LHFPL3: variants seen among roughly 807,000 people sequenced by gnomAD.
LHFPL3 encodes the protein LHFPL tetraspan subfamily member 3 protein.
A neutral mutation model predicts 19.3 loss-of-function variants in LHFPL3; 5 were observed. That is an observed-to-expected ratio of 0.26 (90% confidence interval 0.14 to 0.54). The LOEUF (loss-of-function observed/expected upper bound fraction) is 0.54, where lower values mean the gene tolerates loss of function less well. LHFPL3 is among the 20% of genes least tolerant of loss of function. The pLI is 0.94. For missense variants in LHFPL3, 249 were observed against 307.4 expected, an observed-to-expected ratio of 0.81 and a Z score of 1.42; for synonymous variants, 133 against 126.2, an observed-to-expected ratio of 1.05 and a Z score of -0.36.
At chr7:104,549,110 C>A (rs926116783) in intron 1 of LHFPL3, among the ~76,000 whole-genome samples, 7 of 151,984 alleles carry the variant, frequency 4.6e-5, no homozygotes, top group African/African-American at 9.7e-5. Flanking sequence ...AATGAAGGAA[C>A]CTGGTACGCT....
intron 2 of LHFPL3, chr7:104,744,125 A>G (rs1793994351): frequency 6.6e-6 from 1 of 151,936 alleles, no homozygotes. Flanking sequence ...GTGCTGGGAC[A>G]TATAATCAAT....
At chr7:104,436,170 AAATAT>A (rs1792100682) in intron 1 of LHFPL3, among the ~76,000 whole-genome samples, 1 of 152,212 alleles carries the variant, frequency 6.6e-6, no homozygotes, top group Non-Finnish European at 1.5e-5. Flanking sequence ...ATACATGGTT[AAATAT>A]AATATATTGT....
At chr7:104,861,469 A>C (rs1176303122) in intron 2 of LHFPL3, among the ~76,000 whole-genome samples, 1 of 152,218 alleles carries the variant, frequency 6.6e-6, no homozygotes, top group African/African-American at 2.4e-5. Context: ...AGTTGGGAGA[A>C]GCAGCTATTT....
chr7:104,335,709 G>A (rs1789792621), intron 1 of LHFPL3, among the ~76,000 whole-genome samples: 1 of 152,136 alleles, frequency 6.6e-6, no homozygotes, highest in Admixed American at 6.5e-5. Flanking sequence ...TAACCAGAAT[G>A]TGGTATCAGA....
chr7:104,888,332 A>C (rs1317496311), intron 2 of LHFPL3, among the ~76,000 whole-genome samples: 1 of 152,006 alleles, frequency 6.6e-6, no homozygotes, highest in East Asian at 1.9e-4. Context: ...GAGTTTGGAA[A>C]CCAGCCTGGA....
At chr7:104,580,773 A>G (rs1790445437) in intron 1 of LHFPL3, among the ~76,000 whole-genome samples, 1 of 152,042 alleles carries the variant, frequency 6.6e-6, no homozygotes, top group Non-Finnish European at 1.5e-5. Context: ...GCTTGCTGTA[A>G]AACTCCATAT....
chr7:104,473,751 T>G (rs964497456), intron 1 of LHFPL3, among the ~76,000 whole-genome samples: 3 of 152,256 alleles, frequency 2.0e-5, no homozygotes, highest in African/African-American at 7.2e-5. Context: ...AATAGTGCCT[T>G]GCACATAGAA....
intron 2 of LHFPL3, among the ~76,000 whole-genome samples, chr7:104,890,658 A>G (rs1792226847): frequency 6.6e-6 from 1 of 152,316 alleles, no homozygotes; most frequent in Non-Finnish European, 1.5e-5. Flanking sequence ...CAAGAAGAAA[A>G]CTATTTCAGG....
At chr7:104,601,300 A>G (rs559307352) in intron 1 of LHFPL3, among the ~76,000 whole-genome samples, 3 of 152,094 alleles carry the variant, frequency 2.0e-5, no homozygotes, top group South Asian at 2.1e-4. Context: ...ACTAAACCAT[A>G]TCTCTTAACT....
chr7:104,624,916 G>T (rs1791515249), intron 1 of LHFPL3, among the ~76,000 whole-genome samples: 1 of 152,150 alleles, frequency 6.6e-6, no homozygotes, highest in Non-Finnish European at 1.5e-5. Context: ...GGTTTAAAAA[G>T]AACTTTTGAG....
chr7:104,582,839 T>C (rs1002208227), intron 1 of LHFPL3, among the ~76,000 whole-genome samples: 6 of 151,958 alleles, frequency 3.9e-5, no homozygotes, highest in African/African-American at 1.4e-4. Context: ...ATCAATTTGC[T>C]AATGTTTTGC....
intron 2 of LHFPL3, among the ~76,000 whole-genome samples, chr7:104,840,511 C>T (rs146868517): frequency 3.7e-3 from 418 of 113,750 alleles, no homozygotes; most frequent in Non-Finnish European, 5.7e-3. Flanking sequence ...TTTGTAGAGA[C>T]CAGGGCCTTG....
rs1483123404 is a variant in LHFPL3, at chr7:104,906,761, T to G, written c.*546T>G. 1 of 153,006 alleles carries G rather than the reference T, an allele frequency of 6.5e-6. No homozygotes were observed. 9.5% of individuals were successfully genotyped at this position (153,006 alleles called of 1,614,324 possible). On this transcript the variant is annotated 3_prime_UTR_variant, in exon 3 of 3. Transcript: ENST00000424859. ...GAGCCGTGACCTTTGGTTCTTCATCTCTACCATTCATTTACTTCACTGTGT... is the reference window on the plus strand; with the variant it reads ...GAGCCGTGACCTTTGGTTCTTCATCGCTACCATTCATTTACTTCACTGTGT...
At chr7:104,462,304 A>C (rs1470697673) in intron 1 of LHFPL3, among the ~76,000 whole-genome samples, 5 of 152,162 alleles carry the variant, frequency 3.3e-5, no homozygotes, top group East Asian at 3.8e-4. Flanking sequence ...AGGAGAGGGC[A>C]TCCTTGTCTT....
chr7:104,601,163 T>G (rs1790958045), intron 1 of LHFPL3, among the ~76,000 whole-genome samples: 1 of 152,192 alleles, frequency 6.6e-6, no homozygotes, highest in African/African-American at 2.4e-5. Flanking sequence ...CAGAGATGTT[T>G]CATAAAGGGC....
intron 1 of LHFPL3, among the ~76,000 whole-genome samples, chr7:104,460,015 C>T (rs1562904133): frequency 6.6e-6 from 1 of 152,126 alleles, no homozygotes; most frequent in Admixed American, 6.6e-5. Flanking sequence ...TTCTTACCCT[C>T]CACCCTCAAG....
intron 2 of LHFPL3, among the ~76,000 whole-genome samples, chr7:104,761,597 G>A (rs1794372683): frequency 6.6e-6 from 1 of 151,882 alleles, no homozygotes; most frequent in African/African-American, 2.4e-5. Flanking sequence ...TAGAAAAAGG[G>A]AAAAAACAAA....
chr7:104,651,412 G>T (rs941054600), intron 1 of LHFPL3, among the ~76,000 whole-genome samples: 3 of 152,212 alleles, frequency 2.0e-5, no homozygotes, highest in African/African-American at 7.2e-5. Flanking sequence ...GATCCCTGAG[G>T]AAATATGTTT....
At chr7:104,663,193 T>C (rs1420317478) in intron 1 of LHFPL3, among the ~76,000 whole-genome samples, 1 of 152,212 alleles carries the variant, frequency 6.6e-6, no homozygotes, top group Non-Finnish European at 1.5e-5. Flanking sequence ...ACATGTTGAA[T>C]TGGAATCTGA....
Sources: gnomAD v4.1 joint callset for allele counts (sites outside exome capture counted in the v4.1 genomes callset) on GRCh38, gnomAD v4.1.1 for gene constraint, MANE v1.5 for transcripts, NCBI Gene and HGNC (gene_info 2026-07-23, HGNC 2026-07-21) for gene names.